The following IRAK3 variants were observed in gnomAD, a reference collection of about 807,000 sequenced individuals.
IRAK3 encodes the protein interleukin-1 receptor-associated kinase 3.
IRAK3 carries 57 observed loss-of-function variants against 56.6 expected under a neutral mutation model. The observed-to-expected ratio is 1.01, with a 90% confidence interval of 0.81 to 1.26. The LOEUF (loss-of-function observed/expected upper bound fraction) is 1.26, where lower values mean the gene tolerates loss of function less well. Ranked by LOEUF, IRAK3 falls within the 50% of genes most tolerant of loss-of-function variation. The pLI, the probability that IRAK3 is intolerant of heterozygous loss-of-function variation, is 0.00. For synonymous variants in IRAK3, 258 were observed against 255.7 expected (o/e 1.01, Z -0.09); for missense variants, 703 against 719.0 (o/e 0.98, Z 0.25).
intron 8 of IRAK3, among the ~76,000 whole-genome samples, chr12:66,230,572 T>G (rs987550574): frequency 5.3e-5 from 8 of 151,566 alleles, no homozygotes; most frequent in Non-Finnish European, 1.0e-4. Context: ...CCAAGACAGT[T>G]CCCAGACTGT....
chr12:66,213,220 G>C (rs1033951346), intron 5 of IRAK3, among the ~76,000 whole-genome samples: 1 of 152,048 alleles, frequency 6.6e-6, no homozygotes, highest in African/African-American at 2.4e-5. Flanking sequence ...GATCTTGTGA[G>C]ACTTATTCAC....
intron 8 of IRAK3, among the ~76,000 whole-genome samples, chr12:66,235,630 A>AT (rs151305454): frequency 0.073 from 11,147 of 152,102 alleles, 1,138 homozygotes; most frequent in African/African-American, 0.23. Context: ...CTCCGATATT[A>AT]TTAAGTTATG....
intron 6 of IRAK3, among the ~76,000 whole-genome samples, chr12:66,219,371 T>C (rs2052708893): frequency 1.3e-5 from 2 of 152,220 alleles, no homozygotes; most frequent in South Asian, 4.1e-4. Context: ...TCTCACAAGA[T>C]CTGATGGTTT....
chr12:66,246,785 C>T (rs747596791), intron 11 of IRAK3, among the ~76,000 whole-genome samples: 3 of 151,778 alleles, frequency 2.0e-5, no homozygotes, highest in South Asian at 4.2e-4. Context: ...TTTTTAATTA[C>T]GTGTGTGTGT....
chr12:66,194,851 A>G (rs1375890115), intron 1 of IRAK3, among the ~76,000 whole-genome samples: 2 of 150,202 alleles, frequency 1.3e-5, no homozygotes, highest in Admixed American at 1.3e-4. Flanking sequence ...AAAAAATTAC[A>G]TGCTCCTTGA....
intron 2 of IRAK3, among the ~76,000 whole-genome samples, chr12:66,205,523 G>A (rs1236553488): frequency 6.6e-6 from 1 of 152,200 alleles, no homozygotes; most frequent in African/African-American, 2.4e-5. Flanking sequence ...TGTTAAAAGT[G>A]AGATGTGATG....
chr12:66,226,281 G>A (rs912796744), intron 6 of IRAK3, among the ~76,000 whole-genome samples: 10 of 150,220 alleles, frequency 6.7e-5, no homozygotes, highest in African/African-American at 2.0e-4. Context: ...CGCTCTTGTC[G>A]CACAGGCTGG....
At chr12:66,193,705 C>T (rs1341820831) in intron 1 of IRAK3, among the ~76,000 whole-genome samples, 2 of 152,110 alleles carry the variant, frequency 1.3e-5, no homozygotes, top group Non-Finnish European at 2.9e-5. Flanking sequence ...ATGTTTTTCT[C>T]ATGATCAGAC....
chr12:66,197,188 G>A (rs2052462644), intron 1 of IRAK3: 1 of 1,269,116 alleles, frequency 7.9e-7, no homozygotes, highest in Non-Finnish European at 9.9e-7. Context: ...TTTAAACAAT[G>A]CTTAACTAAC....
chr12:66,225,200 T>TTGGTTCTC (rs2052773095), intron 6 of IRAK3, among the ~76,000 whole-genome samples: 3 of 152,132 alleles, frequency 2.0e-5, no homozygotes, highest in Admixed American at 2.0e-4. Context: ...TTATTTTAAG[T>TTGGTTCTC]TGCAGGAGAA....
chr12:66,192,981 T>G lies in IRAK3; in HGVS notation c.133+3549T>G, dbSNP rs1304614595. Among the ~76,000 whole-genome samples, 3 of 152,238 alleles carry G rather than the reference T, an allele frequency of 2.0e-5. No individual in the cohort carries two copies. In the East Asian group the frequency reaches 5.8e-4, roughly 29 times the overall value. On this transcript the variant is annotated intron_variant, in intron 1 of 11. Transcript: ENST00000261233. ...TTTTTTCTTTTCTTTTCTTTCTAAA[T>G]TTTAAATAGATGTGTTTTTTTATGT...
At chr12:66,221,348 A>G (rs946678988) in intron 6 of IRAK3, among the ~76,000 whole-genome samples, 6 of 151,960 alleles carry the variant, frequency 3.9e-5, no homozygotes, top group African/African-American at 1.5e-4. Flanking sequence ...GGATGCTTTT[A>G]TTTCTTTTTT....
At chr12:66,235,201 G>C in intron 8 of IRAK3, 1 of 1,613,126 alleles carries the variant, frequency 6.2e-7, no homozygotes, top group South Asian at 1.1e-5. Flanking sequence ...CCATGGGGTG[G>C]GCTGGGACCA....
intron 6 of IRAK3, among the ~76,000 whole-genome samples, chr12:66,223,753 A>G (rs2052759402): frequency 1.3e-5 from 2 of 149,712 alleles, no homozygotes; most frequent in South Asian, 4.2e-4. Flanking sequence ...TTGCTCTGTC[A>G]CCTAGGCTGG....
At position 66,210,266 on chromosome 12, in the gene IRAK3, A is replaced by G. The variant is rs182193370; in HGVS notation, c.436+65A>G. 5.9e-4 allele frequency: 543 copies of G among 913,070 alleles called. 3 individuals carry two copies. The highest frequency in any genetic ancestry group is 1.1e-3 in the Admixed American group (59 of 55,676). 56.6% of individuals were successfully genotyped at this position (913,070 alleles called of 1,614,324 possible). ...ATCATACTTTCATTTAAGTGAATTA[A>G]GAGGGAGAAATACCCAATAAACACA... On this transcript the variant is annotated intron_variant, in intron 4 of 11. Transcript: ENST00000261233.
rs74592095 is a variant in IRAK3 at position 66,192,739 on chromosome 12, G to A, written c.133+3307G>A. On this transcript the variant is annotated intron_variant, in intron 1 of 11. Coordinates refer to ENST00000261233, the MANE Select transcript of IRAK3 (RefSeq NM_007199.3). ...AGTAATAATAATAAAGCTACCTCCT[G>A]TCAAGGCTTACTATTGGCCATTGTG... Among the ~76,000 whole-genome samples, 30 of 152,186 alleles carry A rather than the reference G, an allele frequency of 2.0e-4. 1 individual carries two copies. In the East Asian group the frequency reaches 5.2e-3, roughly 26 times the overall value.
intron 6 of IRAK3, among the ~76,000 whole-genome samples, chr12:66,220,563 CAGGCTGG>C (rs1489263019): frequency 7.9e-6 from 1 of 127,064 alleles, no homozygotes; most frequent in Non-Finnish European, 1.6e-5. Context: ...CTCTGTCGCC[CAGGCTGG>C]AGTGCAGTGG....
chr12:66,232,187 C>T (rs1024301042), intron 8 of IRAK3, among the ~76,000 whole-genome samples: 5 of 152,182 alleles, frequency 3.3e-5, no homozygotes, highest in Non-Finnish European at 7.3e-5. Flanking sequence ...GGGCTGCTGA[C>T]AATTGTTGCC....
At chr12:66,206,803 T>G (rs1224606648) in intron 2 of IRAK3, among the ~76,000 whole-genome samples, 1 of 152,242 alleles carries the variant, frequency 6.6e-6, no homozygotes, top group Non-Finnish European at 1.5e-5. Context: ...CTTCTTTAAA[T>G]GTTTGGTAGA....
Sources: gnomAD v4.1 joint callset for allele counts (sites outside exome capture counted in the v4.1 genomes callset) on GRCh38, gnomAD v4.1.1 for gene constraint, MANE v1.5 for transcripts, NCBI Gene and HGNC (gene_info 2026-07-23, HGNC 2026-07-21) for gene names.